The following WFDC1 variants were observed in gnomAD, a reference collection of about 807,000 sequenced individuals.
The protein encoded by WFDC1 is WAP four-disulfide core domain protein 1.
In WFDC1, 39 loss-of-function variants were observed where a neutral mutation model predicts 32.9. That is an observed-to-expected ratio of 1.19 (90% CI 0.92 to 1.55). The LOEUF (loss-of-function observed/expected upper bound fraction) is 1.55, where lower values mean the gene tolerates loss of function less well. Ranked by LOEUF, WFDC1 falls within the 40% of genes most tolerant of loss-of-function variation. The pLI, the probability that WFDC1 is intolerant of heterozygous loss-of-function variation, is 0.00. For missense variants in WFDC1, 386 were observed against 309.5 expected (o/e 1.25, Z -1.85); for synonymous variants, 184 against 137.4 (o/e 1.34, Z -2.37).
chr16:84,297,617 CAAAAAAAAA>C (rs150683526), intron 1 of WFDC1, among the ~76,000 whole-genome samples: 13 of 69,460 alleles, frequency 1.9e-4, no homozygotes, highest in African/African-American at 2.3e-4. Context: ...AACTCTGTCT[CAAAAAAAAA>C]AAAAAAAAAA....
rs558041050 is a variant in WFDC1 at position 84,311,312 on chromosome 16, T to C, written c.145-1649T>C. On this transcript the variant is annotated intron_variant, in intron 1 of 6. Transcript: ENST00000219454. ...CAGCCTGGAGTGCAATGGCTCGATC[T>C]TGGCTCACTGCAAGCTCCGACTCCC... 1.5e-4 allele frequency among the ~76,000 whole-genome samples: 22 copies of C among 151,644 alleles called. No homozygotes were observed. In the East Asian group the frequency reaches 4.3e-3, roughly 29 times the overall value.
chr16:84,319,454 G>A lies in WFDC1; in HGVS notation c.445G>A (p.Asp149Asn), dbSNP rs1459470816. 3 of 1,611,388 alleles carry A rather than the reference G, an allele frequency of 1.9e-6. No individual in the cohort carries two copies. ...LQAEACSTTE[D>N]GAEPLLCPSG... ...AGCAGAGGCGTGCAGCACCACGGAG[G>A]ATGGGGCCGAACCCCTGCTCTGTCC... The change falls in exon 4 of 7, where the codon GAT becomes AAT. Residue 149 changes from aspartate (D) to asparagine (N), a missense_variant. Coordinates refer to ENST00000219454, the MANE Select transcript of WFDC1 (RefSeq NM_021197.4).
chr16:84,326,981 T>C (rs777581070), intron 6 of WFDC1, 26 bp downstream of exon 6: 2 of 1,612,566 alleles, frequency 1.2e-6, no homozygotes, highest in African/African-American at 2.7e-5. Flanking sequence ...GCAAGAGTCA[T>C]GGCCAGGGTA....
intron 6 of WFDC1, chr16:84,328,263 G>C (rs763882448): frequency 6.6e-6 from 1 of 152,480 alleles, no homozygotes; most frequent in Non-Finnish European, 1.5e-5. Context: ...GGAGGCCGCA[G>C]GTGAGGCACA....
At chr16:84,318,698 G>T (rs191339324) in intron 3 of WFDC1, 1 of 234,296 alleles carries the variant, frequency 4.3e-6, no homozygotes, top group South Asian at 6.6e-5. Context: ...CCCTGGGGGT[G>T]GGGGAGGTAC....
At chr16:84,306,988 G>T (rs1041430258) in intron 1 of WFDC1, among the ~76,000 whole-genome samples, 7 of 152,186 alleles carry the variant, frequency 4.6e-5, no homozygotes, top group African/African-American at 1.4e-4. Context: ...GCAGGGAGAG[G>T]GGGAAGGGAA....
chr16:84,308,085 A>G (rs947544020), intron 1 of WFDC1, among the ~76,000 whole-genome samples: 2 of 152,198 alleles, frequency 1.3e-5, no homozygotes, highest in Admixed American at 6.5e-5. Context: ...TTACAAGAGT[A>G]AAAAGAAGGG....
At chr16:84,310,060 T>G (rs1907520439) in intron 1 of WFDC1, among the ~76,000 whole-genome samples, 1 of 152,086 alleles carries the variant, frequency 6.6e-6, no homozygotes, top group South Asian at 2.1e-4. Flanking sequence ...TTGGGGACCT[T>G]TATTCAGCCA....
intron 1 of WFDC1, among the ~76,000 whole-genome samples, chr16:84,304,909 C>T (rs895617453): frequency 7.9e-5 from 12 of 152,114 alleles, no homozygotes; most frequent in Admixed American, 7.2e-4. Flanking sequence ...GGGGAGAGAG[C>T]CCCTGGACTG....
chr16:84,328,749 AG>A (rs1908749263), intron 6 of WFDC1: 1 of 135,890 alleles, frequency 7.4e-6, no homozygotes, highest in South Asian at 2.4e-4. Flanking sequence ...GTTCAAGCCC[AG>A]CCTGGCCTGG....
chr16:84,315,300 C>T (rs1907884003), intron 2 of WFDC1, among the ~76,000 whole-genome samples: 1 of 152,174 alleles, frequency 6.6e-6, no homozygotes, highest in Non-Finnish European at 1.5e-5. Flanking sequence ...AACCCTCCAT[C>T]CCTGTTTAAT....
At chr16:84,314,236 G>A (rs996136181) in intron 2 of WFDC1, among the ~76,000 whole-genome samples, 13 of 152,138 alleles carry the variant, frequency 8.5e-5, no homozygotes, top group Non-Finnish European at 1.6e-4. Context: ...GATCCCTTTT[G>A]AAGAGAAGGT....
intron 1 of WFDC1, among the ~76,000 whole-genome samples, chr16:84,307,615 A>G (rs1398892797): frequency 1.3e-5 from 2 of 152,198 alleles, no homozygotes; most frequent in African/African-American, 4.8e-5. Flanking sequence ...GTGGTGGGTG[A>G]AAAGTGTTTT....
chr16:84,299,482 C>A (rs1906807358), intron 1 of WFDC1, among the ~76,000 whole-genome samples: 1 of 152,086 alleles, frequency 6.6e-6, no homozygotes, highest in African/African-American at 2.4e-5. Context: ...AATAACCTTT[C>A]CATGGAGCTC....
chr16:84,296,177 C>T (rs1031886060), intron 1 of WFDC1, among the ~76,000 whole-genome samples: 1 of 152,218 alleles, frequency 6.6e-6, no homozygotes, highest in Non-Finnish European at 1.5e-5. Context: ...CTGGCACCCA[C>T]AGCACCTGTG....
At chr16:84,297,640 A>AAC (rs1906683212) in intron 1 of WFDC1, among the ~76,000 whole-genome samples, 1 of 103,606 alleles carries the variant, frequency 9.7e-6, no homozygotes, top group East Asian at 2.5e-4. Context: ...AAAAAAAAAA[A>AAC]AAAAAAACTG....
chr16:84,317,943 C>G (rs546011878), intron 2 of WFDC1: 54 of 280,848 alleles, frequency 1.9e-4, no homozygotes, highest in Non-Finnish European at 2.9e-5. Context: ...GAATGGCCCC[C>G]AGCCTGCAGG....
intron 5 of WFDC1, among the ~76,000 whole-genome samples, chr16:84,325,258 A>C (rs996717786): frequency 6.8e-6 from 1 of 147,996 alleles, no homozygotes; most frequent in Non-Finnish European, 1.5e-5. Context: ...GCTGGGGTGC[A>C]CTGGAGTAAT....
chr16:84,300,974 CAA>C (rs35498658), intron 1 of WFDC1, among the ~76,000 whole-genome samples: 1 of 142,488 alleles, frequency 7.0e-6, no homozygotes, highest in Non-Finnish European at 1.5e-5. Context: ...GACTTCATCT[CAA>C]AAAAAAAAAG....
Sources: gnomAD v4.1 joint callset for allele counts (sites outside exome capture counted in the v4.1 genomes callset) on GRCh38, gnomAD v4.1.1 for gene constraint, MANE v1.5 for transcripts, NCBI Gene and HGNC (gene_info 2026-07-23, HGNC 2026-07-21) for gene names.